The following ANK3 variants were observed in gnomAD, a reference collection of about 807,000 sequenced individuals.
ANK3 encodes the protein ankyrin 3, also known as ankyrin-3.
ANK3 carries 57 observed loss-of-function variants against 370.9 expected under a neutral mutation model. The observed-to-expected ratio is 0.15, with a 90% CI of 0.12 to 0.19. The LOEUF (loss-of-function observed/expected upper bound fraction) is 0.19, where lower values mean the gene tolerates loss of function less well. Among genes scored for constraint, ANK3 ranks in the 10% least tolerant of loss-of-function variants. The probability of loss-of-function intolerance (pLI) is 1.00; values close to 1 mark genes in which losing one functional copy is unlikely to be tolerated. For missense variants in ANK3, 4,439 were observed against 5,302.1 expected (o/e 0.84, Z 5.06); for synonymous variants, 1,929 against 1,946.3 (o/e 0.99, Z 0.23).
At chr10:60,043,518 T>A in intron 42 of ANK3, 2 of 985,428 alleles carry the variant, frequency 2.0e-6, no homozygotes, top group Non-Finnish European at 2.4e-6. Flanking sequence ...AGGGATTCTT[T>A]AACTGGCACA....
rs1422866783 is a variant in ANK3 at position 60,668,282 on chromosome 10, T to G, written c.58-53058A>C. ...GCCTGCCCTCTCTCCCAGTTACTCA[T>G]GAGCAAATTAAGATCTTCCATAGAG... On this transcript the variant is annotated intron_variant, in intron 1 of 43. Coordinates refer to the ANK3 transcript ENST00000373827. Among the ~76,000 whole-genome samples, 3 of 151,400 alleles carry G rather than the reference T, an allele frequency of 2.0e-5. No homozygotes were observed. The East Asian group carries it at 5.8e-4, about 29-fold the overall frequency.
At chr10:60,624,213 A>T (rs1720590094) in intron 1 of ANK3, among the ~76,000 whole-genome samples, 1 of 152,184 alleles carries the variant, frequency 6.6e-6, no homozygotes, top group Non-Finnish European at 1.5e-5. Context: ...AAAAGTAAAA[A>T]ATAAAAATAA....
intron 2 of ANK3, among the ~76,000 whole-genome samples, chr10:60,516,744 C>T (rs138129245): frequency 0.016 from 2,371 of 152,184 alleles, 17 homozygotes; most frequent in Non-Finnish European, 0.024. Context: ...AGCCACTGCA[C>T]GCTAGTCTGG....
intron 42 of ANK3, chr10:60,043,716 T>C: frequency 3.0e-6 from 3 of 985,438 alleles, no homozygotes; most frequent in African/African-American, 3.5e-5. Flanking sequence ...TCCGCCCCTG[T>C]CCCAACAGAC....
chr10:60,078,292 A>G (rs2084290867), intron 36 of ANK3, among the ~76,000 whole-genome samples: 1 of 152,172 alleles, frequency 6.6e-6, no homozygotes, highest in African/African-American at 2.4e-5. Context: ...AGGCTTACAT[A>G]TTATTCTAAA....
At position 60,577,498 on chromosome 10, in the gene ANK3, A is replaced by G. The variant is rs186566009; in HGVS notation, c.96+37688T>C. Among the ~76,000 whole-genome samples the G allele has an allele frequency of 3.4e-4, 52 of 152,178 alleles. 1 individual carries two copies. Among genetic ancestry groups the G allele is most frequent in the Admixed American group, 3.1e-3 (48 of 15,280 alleles). ...CCTTGCACTTTTTTTATGATAGTGA[A>G]TAAGTCTCATGAGATCTGATGGTTT... On this transcript the variant is annotated intron_variant, in intron 2 of 43. Coordinates refer to the ANK3 transcript ENST00000373827.
At chr10:60,518,348 G>A (rs2076271744) in intron 2 of ANK3, among the ~76,000 whole-genome samples, 1 of 152,094 alleles carries the variant, frequency 6.6e-6, no homozygotes, top group African/African-American at 2.4e-5. Context: ...CTATACTGTT[G>A]CTGCTCTGGC....
rs77495971 is a variant in ANK3, at chr10:60,671,221, C to T, written c.58-55997G>A. Among the ~76,000 whole-genome samples the T allele has an allele frequency of 3.2e-3, 487 of 152,260 alleles. 4 individuals carry two copies. Among genetic ancestry groups the T allele is most frequent in the African/African-American group, 0.011 (456 of 41,550 alleles). ...CACAAGGTTCTGCATGATCTGACTC[C>T]GCTTACCTCCCCACCTGTCCCTCAC... is the stretch of plus-strand genomic sequence containing the variant. On this transcript the variant is annotated intron_variant, in intron 1 of 43. Transcript: ENST00000373827.
chr10:60,565,298 T>C (rs368985204), intron 2 of ANK3, among the ~76,000 whole-genome samples: 7 of 152,294 alleles, frequency 4.6e-5, no homozygotes, highest in Middle Eastern at 3.4e-3. Flanking sequence ...CACAGATCTC[T>C]TGCATGTGCA....
chr10:60,198,362 G>C lies in ANK3; in HGVS notation c.1667C>G (p.Ala556Gly). Reference protein sequence around the residue: ...DVAAFLLDHGASLSITTKKGF... With the variant: ...DVAAFLLDHGGSLSITTKKGF... ...TACCTTTGTTGTTATAGATAAAGAC[G>C]CTCCATGATCCAAAAGGAACGCGGC... is the stretch of plus-strand genomic sequence containing the variant. The change falls in exon 14 of 44, where the codon GCG becomes GGG. Residue 556 changes from alanine to glycine, a missense_variant. Physicochemically the swap from Ala to Gly is moderately conservative, Grantham distance 60. This residue lies in a region of ANK3 where 192 missense variants were observed against 192.1 expected (regional missense o/e 1.00). Transcript: ENST00000280772. The C allele has an allele frequency of 6.2e-7, 1 of 1,614,198 alleles. No individual in the cohort carries two copies. Among genetic ancestry groups the C allele is most frequent in the South Asian group, 1.1e-5 (1 of 91,088 alleles).
At chr10:60,495,722 TAGAGGAAAGAGA>T (rs908898162) in intron 2 of ANK3, among the ~76,000 whole-genome samples, 25 of 152,080 alleles carry the variant, frequency 1.6e-4, no homozygotes, top group African/African-American at 5.8e-4. Flanking sequence ...GCATATAGGG[TAGAGGAAAGAGA>T]AGAGGAAATC....
intron 7 of ANK3, among the ~76,000 whole-genome samples, chr10:60,259,739 A>T (rs1031455324): frequency 6.6e-6 from 1 of 152,188 alleles, no homozygotes; most frequent in Non-Finnish European, 1.5e-5. Flanking sequence ...AACTTCAAAC[A>T]CCACCCTGAC....
intron 2 of ANK3, among the ~76,000 whole-genome samples, chr10:60,575,788 C>T (rs1450930007): frequency 1.3e-5 from 2 of 152,060 alleles, no homozygotes; most frequent in African/African-American, 4.8e-5. Context: ...GGGCAAATTT[C>T]ATTTAAGGGT....
intron 43 of ANK3, among the ~76,000 whole-genome samples, chr10:60,030,879 C>G (rs2073339051): frequency 6.6e-6 from 1 of 152,172 alleles, no homozygotes; most frequent in Non-Finnish European, 1.5e-5. Flanking sequence ...TGGGAAGACC[C>G]TCTTCTAGTT....
intron 1 of ANK3, among the ~76,000 whole-genome samples, chr10:60,355,662 C>T (rs978349547): frequency 3.3e-5 from 5 of 152,216 alleles, no homozygotes; most frequent in African/African-American, 7.2e-5. Context: ...AGTGCTCGCT[C>T]ACCTCCACGG....
chr10:60,190,784 C>G (rs1020497352), intron 16 of ANK3, among the ~76,000 whole-genome samples: 8 of 152,146 alleles, frequency 5.3e-5, no homozygotes, highest in Non-Finnish European at 1.2e-4. Context: ...TAAAGCAATC[C>G]TAAGCAAAAA....
intron 1 of ANK3, among the ~76,000 whole-genome samples, chr10:60,664,222 G>T (rs931996465): frequency 6.6e-6 from 1 of 152,230 alleles, no homozygotes; most frequent in East Asian, 1.9e-4. Flanking sequence ...AGAACTTAGT[G>T]TCAAATTTCT....
intron 16 of ANK3, among the ~76,000 whole-genome samples, chr10:60,189,610 C>T (rs2096432259): frequency 6.6e-6 from 1 of 152,194 alleles, no homozygotes; most frequent in African/African-American, 2.4e-5. Context: ...AATGAATTTT[C>T]TAAATTTTCT....
In ANK3 at chr10:60,072,682, C is replaced by A. The variant is rs192012160; in HGVS notation, c.8199G>T (p.Met2733Ile). ...CATCTGACTTTCTGTCTTCTTGAGA[C>A]ATGTCCTTACTTTTTGCGTGTGTGC... Reference protein sequence around the residue: ...EQGTHAKSKDMSQEDRKSDGQ... With the variant: ...EQGTHAKSKDISQEDRKSDGQ... The change falls in exon 37 of 44, where the codon ATG becomes ATT. Residue 2733 changes from methionine (M) to isoleucine (I), a missense_variant. Physicochemically the swap from Met to Ile is conservative, Grantham distance 10. Transcript: ENST00000280772. 2 of 1,614,014 alleles carry A rather than the reference C, an allele frequency of 1.2e-6. No individual in the cohort carries two copies. Among genetic ancestry groups the A allele is most frequent in the East Asian group, 4.5e-5 (2 of 44,880 alleles).
Sources: allele counts gnomAD v4.1 joint callset (sites outside exome capture counted in the v4.1 genomes callset), GRCh38; gene constraint gnomAD v4.1.1; regional missense constraint gnomAD v4.1.1; transcripts MANE v1.5; gene names NCBI Gene and HGNC (gene_info 2026-07-23, HGNC 2026-07-21).